CDC42BPA: variants seen among roughly 807,000 people sequenced by gnomAD.
CDC42BPA encodes serine/threonine-protein kinase MRCK alpha.
CDC42BPA carries 80 observed loss-of-function variants against 223.5 expected under a neutral mutation model. The observed-to-expected ratio is 0.36, with a 90% CI of 0.30 to 0.43. CDC42BPA has a LOEUF of 0.43. Among genes scored for constraint, CDC42BPA ranks in the 20% least tolerant of loss-of-function variants. CDC42BPA has a pLI of 1.00. For synonymous variants in CDC42BPA, 694 were observed against 718.6 expected, an observed-to-expected ratio of 0.97 and a Z score of 0.55; for missense variants, 1,743 against 2,099.9, an observed-to-expected ratio of 0.83 and a Z score of 3.32.
intron 5 of CDC42BPA, among the ~76,000 whole-genome samples, chr1:227,173,948 A>C (rs1666524928): frequency 6.6e-6 from 1 of 152,094 alleles, no homozygotes; most frequent in South Asian, 2.1e-4. Context: ...TTTCCTCTAA[A>C]ACTCTGTAGT....
chr1:227,132,853 C>T (rs1357024669), intron 10 of CDC42BPA, among the ~76,000 whole-genome samples: 3 of 150,090 alleles, frequency 2.0e-5, no homozygotes, highest in East Asian at 2.0e-4. Flanking sequence ...AGCGTCTCTG[C>T]CCGGCCGCCC....
At position 227,242,981 on chromosome 1, in the gene CDC42BPA, C is replaced by T. The variant is rs564244858; in HGVS notation, c.270+11083G>A. On this transcript the variant is annotated intron_variant, in intron 2 of 36. Transcript: ENST00000366766. The stretch of plus-strand genomic sequence containing the variant: ...TGTGGTACATATACACCATGGAATG[C>T]TATGCAGCCACAGAAAAAAAATGAG... 2.6e-5 allele frequency among the ~76,000 whole-genome samples: 4 copies of T among 152,300 alleles called. No individual in the cohort carries two copies. In the South Asian group the frequency reaches 8.3e-4, roughly 32 times the overall value.
chr1:227,044,134 T>C (rs1392415489), intron 23 of CDC42BPA, among the ~76,000 whole-genome samples: 1 of 152,256 alleles, frequency 6.6e-6, no homozygotes, highest in Non-Finnish European at 1.5e-5. Flanking sequence ...TTGTTGACCA[T>C]CAGGATTTCG....
chr1:227,201,922 T>C (rs1276322002), intron 3 of CDC42BPA, among the ~76,000 whole-genome samples: 1 of 152,202 alleles, frequency 6.6e-6, no homozygotes, highest in East Asian at 1.9e-4. Flanking sequence ...TAAGTGATTA[T>C]TATTTCCCAC....
chr1:227,048,753 G>A (rs75065134), intron 22 of CDC42BPA, among the ~76,000 whole-genome samples: 303 of 112,382 alleles, frequency 2.7e-3, no homozygotes, highest in Middle Eastern at 5.3e-3. Flanking sequence ...AAAGTAGTGA[G>A]AAAAAAAAAA....
chr1:227,226,899 T>C (rs776728847), intron 2 of CDC42BPA, among the ~76,000 whole-genome samples: 19 of 151,994 alleles, frequency 1.3e-4, no homozygotes, highest in Non-Finnish European at 1.9e-4. Flanking sequence ...TAGGGTTAGA[T>C]GGAGAGAAAA....
rs532859401 is a variant in CDC42BPA, at chr1:226,993,089, C to G, written c.*1179G>C. 6.6e-6 allele frequency: 1 copy of G among 152,270 alleles called. No homozygotes were observed. Among genetic ancestry groups the G allele is most frequent in the South Asian group, 2.1e-4 (1 of 4,836 alleles). The allele number at this position is 152,270 out of a possible 1,614,324, so 9.4% of individuals were successfully genotyped here. On this transcript the variant is annotated 3_prime_UTR_variant, in exon 37 of 37. Coordinates refer to ENST00000366766, the MANE Select transcript of CDC42BPA (RefSeq NM_001394014.1). ...CCCCAGGCTTATGTGAAGAAGCCCA[C>G]GCCCACTCTCAACAAAACAGACTCC...
intron 1 of CDC42BPA, among the ~76,000 whole-genome samples, chr1:227,256,856 T>C (rs2148315928): frequency 6.6e-6 from 1 of 151,988 alleles, no homozygotes; most frequent in Middle Eastern, 3.4e-3. Context: ...ATGATGTTCA[T>C]GACAGCATTA....
rs578182179 is a variant in CDC42BPA, at chr1:227,143,979, A to AT, written c.1144-956_1144-955insA. On this transcript the variant is annotated intron_variant, in intron 8 of 36. Transcript: ENST00000366766. ...CTATTTATAAAAAATTGGTAAGAGA[A>AT]GTCAGTTTAATTATTCTTTGTGAAG... Among the ~76,000 whole-genome samples the AT allele has an allele frequency of 1.5e-3, 233 of 152,320 alleles. 2 individuals carry two copies. The highest frequency in any genetic ancestry group is 4.8e-3 in the African/African-American group (199 of 41,564).
intron 11 of CDC42BPA, among the ~76,000 whole-genome samples, chr1:227,124,867 T>C (rs532200814): frequency 1.3e-5 from 2 of 152,130 alleles, no homozygotes; most frequent in South Asian, 4.1e-4. Flanking sequence ...GGAATAGATA[T>C]ATTTCCCATT....
chr1:227,296,533 C>G (rs1690661824), intron 1 of CDC42BPA, among the ~76,000 whole-genome samples: 1 of 151,790 alleles, frequency 6.6e-6, no homozygotes, highest in African/African-American at 2.4e-5. Context: ...TGGTGAAACC[C>G]CGCATCTACT....
chr1:227,283,668 A>G (rs1688356767), intron 1 of CDC42BPA, among the ~76,000 whole-genome samples: 1 of 152,204 alleles, frequency 6.6e-6, no homozygotes, highest in South Asian at 2.1e-4. Flanking sequence ...CAATGGATAC[A>G]ATGCCCAGTA....
chr1:227,071,705 G>T, intron 20 of CDC42BPA, among the ~76,000 whole-genome samples: 1 of 44,126 alleles, frequency 2.3e-5, no homozygotes, highest in East Asian at 7.8e-4. Flanking sequence ...TACCCTGAAA[G>T]TGAATCCCAC....
At chr1:227,012,455 T>TGTC (rs1259488428) in intron 34 of CDC42BPA, among the ~76,000 whole-genome samples, 1 of 132,160 alleles carries the variant, frequency 7.6e-6, no homozygotes, top group Non-Finnish European at 1.8e-5. Flanking sequence ...GGAATATGAC[T>TGTC]CCCTTAGCCT....
intron 2 of CDC42BPA, among the ~76,000 whole-genome samples, chr1:227,253,542 G>C (rs1329946211): frequency 6.6e-6 from 1 of 152,100 alleles, no homozygotes; most frequent in Non-Finnish European, 1.5e-5. Context: ...GTTGTAGTGA[G>C]CCAAGATCAT....
intron 3 of CDC42BPA, among the ~76,000 whole-genome samples, chr1:227,209,072 A>T (rs200489122): frequency 0.15 from 23,000 of 148,480 alleles, 2,002 homozygotes; most frequent in East Asian, 0.36. Flanking sequence ...GGTCCTTCAC[A>T]TCCCTTGTAA....
intron 1 of CDC42BPA, among the ~76,000 whole-genome samples, chr1:227,275,907 A>G (rs1051250484): frequency 1.3e-5 from 2 of 152,030 alleles, no homozygotes; most frequent in Admixed American, 6.5e-5. Flanking sequence ...CTCAGTGCTC[A>G]ATGTTGCCCA....
rs577257541 is a variant in CDC42BPA at position 227,139,675 on chromosome 1, C to T, written c.1291G>A (p.Val431Ile). Residue 431 changes from valine to isoleucine, a missense_variant, in exon 10 of 37, where the codon GTT becomes ATT. Val to Ile is a conservative substitution (Grantham distance 29). Coordinates refer to ENST00000366766, the MANE Select transcript of CDC42BPA (RefSeq NM_001394014.1). ...GPTSLDLDVN[V>I]QRTLDNNLAT... ...AAGTTGTTGTCTAGAGTCCTCTGAACATTAACATCAAGATCCAGTGAGGTG... is the reference window on the plus strand; with the variant it reads ...AAGTTGTTGTCTAGAGTCCTCTGAATATTAACATCAAGATCCAGTGAGGTG... 2.4e-5 allele frequency: 38 copies of T among 1,609,534 alleles called. No homozygotes were observed. In the East Asian group the frequency reaches 5.8e-4, roughly 25 times the overall value.
At chr1:227,287,738 G>A (rs1332655329) in intron 1 of CDC42BPA, among the ~76,000 whole-genome samples, 2 of 152,146 alleles carry the variant, frequency 1.3e-5, no homozygotes, top group Non-Finnish European at 2.9e-5. Flanking sequence ...TATTCATGGA[G>A]TACACAGTGA....
Sources: allele counts gnomAD v4.1 joint callset (sites outside exome capture counted in the v4.1 genomes callset), GRCh38; gene constraint gnomAD v4.1.1; transcripts MANE v1.5; gene names NCBI Gene and HGNC (gene_info 2026-07-23, HGNC 2026-07-21).